Variants in PDE4B observed in about 807,000 individuals in gnomAD.
PDE4B encodes the protein phosphodiesterase 4B.
PDE4B carries 20 observed loss-of-function variants against 82.2 expected under a neutral mutation model. The ratio of observed to expected loss-of-function variants is 0.24; its 90% CI spans 0.17 to 0.35. The LOEUF (loss-of-function observed/expected upper bound fraction) is 0.35, where lower values mean the gene tolerates loss of function less well. Ranked by LOEUF, PDE4B falls within the 10% of genes least tolerant of loss-of-function variation. The pLI is 1.00. For synonymous variants in PDE4B, 320 were observed against 318.9 expected (o/e 1.00, Z -0.04); for missense variants, 655 against 907.2 (o/e 0.72, Z 3.57).
chr1:66,314,402 T>TTTTTG (rs762446258), intron 7 of PDE4B, among the ~76,000 whole-genome samples: 9 of 152,196 alleles, frequency 5.9e-5, no homozygotes, highest in Admixed American at 2.0e-4. Flanking sequence ...CTGTTTTTTG[T>TTTTTG]TTTTGTTTTG....
chr1:66,324,488 G>GA (rs1258154585), intron 7 of PDE4B, among the ~76,000 whole-genome samples: 2 of 151,926 alleles, frequency 1.3e-5, no homozygotes, highest in Non-Finnish European at 2.9e-5. Flanking sequence ...ATTTTTCAAG[G>GA]AAAAAAATGA....
chr1:65,877,862 G>A (rs535689016), intron 1 of PDE4B, among the ~76,000 whole-genome samples: 3 of 151,732 alleles, frequency 2.0e-5, no homozygotes, highest in Non-Finnish European at 2.9e-5. Context: ...AAGCAATTGC[G>A]ACAAAAGCCA....
chr1:66,373,734 T>G lies in PDE4B; in HGVS notation c.*1056T>G, dbSNP rs1234669518. The G allele has an allele frequency of 6.5e-6, 1 of 152,676 alleles. No individual in the cohort carries two copies. The highest frequency in any genetic ancestry group is 2.4e-5 in the African/African-American group (1 of 41,466). The allele number at this position is 152,676 out of a possible 1,614,324, so 9.5% of individuals were successfully genotyped here. A position where few individuals can be genotyped will look rare whatever the true frequency, so the allele number is the denominator to read the frequency against. On this transcript the variant is annotated 3_prime_UTR_variant, in exon 17 of 17. Coordinates refer to ENST00000341517, the MANE Select transcript of PDE4B (RefSeq NM_002600.4). ...CCTGCCAATGGTGGTGTTAAATTTGTGTAGAAAACTCTGCCTAAGAGTTAC... is the reference window on the plus strand; with the variant it reads ...CCTGCCAATGGTGGTGTTAAATTTGGGTAGAAAACTCTGCCTAAGAGTTAC...
chr1:65,971,170 A>C (rs149168740), intron 3 of PDE4B, among the ~76,000 whole-genome samples: 1 of 152,022 alleles, frequency 6.6e-6, no homozygotes, highest in African/African-American at 2.4e-5. Context: ...GGAGGCACAA[A>C]AACTTACATC....
chr1:65,874,184 GA>G (rs1248025330), intron 1 of PDE4B, among the ~76,000 whole-genome samples: 1 of 151,546 alleles, frequency 6.6e-6, no homozygotes, highest in East Asian at 1.9e-4. Context: ...AAGCAATTGT[GA>G]ATGGGAGTTC....
rs572978407 is a variant in PDE4B at position 66,181,386 on chromosome 1, C to T, written c.282-66074C>T. 5.3e-5 allele frequency among the ~76,000 whole-genome samples: 8 copies of T among 152,272 alleles called. No homozygotes were observed. The East Asian group carries it at 1.3e-3, about 26-fold the overall frequency. On this transcript the variant is annotated intron_variant, in intron 3 of 16. Transcript: ENST00000341517. ...ACATTTAAACACATGTTCTCTTGTTCGCTCCTCATTGAAAAAGCAAGTCTC... is the reference window on the plus strand; with the variant it reads ...ACATTTAAACACATGTTCTCTTGTTTGCTCCTCATTGAAAAAGCAAGTCTC...
At chr1:66,039,254 A>G (rs1387365303) in intron 3 of PDE4B, among the ~76,000 whole-genome samples, 1 of 152,072 alleles carries the variant, frequency 6.6e-6, no homozygotes, top group Non-Finnish European at 1.5e-5. Context: ...TGCATTTTTT[A>G]TATTTTCCAC....
chr1:65,990,268 C>T (rs1017526532), intron 3 of PDE4B, among the ~76,000 whole-genome samples: 5 of 152,158 alleles, frequency 3.3e-5, no homozygotes, highest in African/African-American at 4.8e-5. Context: ...TTTATGTCAA[C>T]ATTTCTTTAT....
chr1:66,055,992 A>C (rs1296404339), intron 3 of PDE4B, among the ~76,000 whole-genome samples: 1 of 152,220 alleles, frequency 6.6e-6, no homozygotes, highest in Non-Finnish European at 1.5e-5. Flanking sequence ...TTTTCTGGCT[A>C]CACTTCCCTA....
intron 6 of PDE4B, among the ~76,000 whole-genome samples, chr1:66,260,723 C>A (rs1043225592): frequency 2.6e-5 from 4 of 152,140 alleles, no homozygotes; most frequent in African/African-American, 2.4e-5. Flanking sequence ...GCTGTGCCAA[C>A]TGAAACAACT....
chr1:65,992,410 CT>C, intron 3 of PDE4B: 1 of 153,028 alleles, frequency 6.5e-6, no homozygotes, highest in Admixed American at 6.5e-5. Flanking sequence ...TGAATGAAGA[CT>C]TTAAACATTA....
intron 3 of PDE4B, among the ~76,000 whole-genome samples, chr1:66,071,643 T>G (rs1656160310): frequency 6.6e-6 from 1 of 152,078 alleles, no homozygotes; most frequent in Admixed American, 6.6e-5. Context: ...GGCTGTCACC[T>G]CTTGTCATCT....
rs190571784 is a variant in PDE4B at position 66,365,233 on chromosome 1, G to A, written c.1285-434G>A. Among the ~76,000 whole-genome samples the A allele has an allele frequency of 1.4e-3, 209 of 152,252 alleles. 1 individual carries two copies. The East Asian group carries it at 0.015, about 11-fold the overall frequency. ...TAATTTATTGCTTATCTTATGAATCGGGAGTTTGGCCATTTTTCTCTAAGT... is the reference window on the plus strand; with the variant it reads ...TAATTTATTGCTTATCTTATGAATCAGGAGTTTGGCCATTTTTCTCTAAGT... On this transcript the variant is annotated intron_variant, in intron 12 of 16. Transcript: ENST00000341517.
intron 3 of PDE4B, among the ~76,000 whole-genome samples, chr1:66,066,529 G>T (rs958880672): frequency 6.6e-6 from 1 of 151,904 alleles, no homozygotes; most frequent in African/African-American, 2.4e-5. Flanking sequence ...CTATTGAAAT[G>T]TTAATGCACA....
chr1:66,177,445 T>C (rs1347551169), intron 3 of PDE4B, among the ~76,000 whole-genome samples: 1 of 152,240 alleles, frequency 6.6e-6, no homozygotes, highest in Non-Finnish European at 1.5e-5. Context: ...GACTTAGGCA[T>C]ATCCAGGAAT....
chr1:65,960,572 T>C (rs1406977888), intron 3 of PDE4B, among the ~76,000 whole-genome samples: 1 of 152,106 alleles, frequency 6.6e-6, no homozygotes, highest in Admixed American at 6.6e-5. Flanking sequence ...GAGCCTCAGA[T>C]TCATCATCTG....
intron 1 of PDE4B, among the ~76,000 whole-genome samples, chr1:65,830,501 A>G (rs1257734576): frequency 6.6e-6 from 1 of 152,224 alleles, no homozygotes; most frequent in Non-Finnish European, 1.5e-5. Context: ...GTTGATAGCA[A>G]GTAACCTCTG....
intron 8 of PDE4B, among the ~76,000 whole-genome samples, chr1:66,343,631 G>T (rs1210297241): frequency 3.9e-5 from 6 of 152,226 alleles, no homozygotes; most frequent in Non-Finnish European, 8.8e-5. Flanking sequence ...TGCCAAGGAG[G>T]CATAGATTTC....
intron 3 of PDE4B, among the ~76,000 whole-genome samples, chr1:66,120,401 G>T (rs1481545995): frequency 1.3e-5 from 2 of 152,100 alleles, no homozygotes; most frequent in African/African-American, 4.8e-5. Flanking sequence ...CAGTAGTGAT[G>T]TCAAGAATTA....
Sources: gnomAD v4.1 joint callset for allele counts (sites outside exome capture counted in the v4.1 genomes callset) on GRCh38, gnomAD v4.1.1 for gene constraint, MANE v1.5 for transcripts, NCBI Gene and HGNC (gene_info 2026-07-23, HGNC 2026-07-21) for gene names.